The following CADM1 variants were observed in gnomAD, a reference collection of about 807,000 sequenced individuals.
CADM1 encodes the protein TSLC-1.
Under a neutral mutation model 53.1 loss-of-function variants are expected in CADM1, and 15 were observed. That is an observed-to-expected ratio of 0.28 (90% confidence interval 0.19 to 0.44). The LOEUF (loss-of-function observed/expected upper bound fraction) is 0.44. Ranked by LOEUF, CADM1 falls within the 20% of genes least tolerant of loss-of-function variation. The pLI is 1.00. For synonymous variants in CADM1, 281 were observed against 243.0 expected, an observed-to-expected ratio of 1.16 and a Z score of -1.45; for missense variants, 434 against 611.3, an observed-to-expected ratio of 0.71 and a Z score of 3.06.
intron 1 of CADM1, among the ~76,000 whole-genome samples, chr11:115,418,170 C>T (rs906544730): frequency 6.6e-6 from 1 of 152,126 alleles, no homozygotes; most frequent in Admixed American, 6.6e-5. Flanking sequence ...CCTTGCCCAT[C>T]CTGGAATGCA....
At chr11:115,312,256 A>G (rs1944551461) in intron 1 of CADM1, among the ~76,000 whole-genome samples, 4 of 152,150 alleles carry the variant, frequency 2.6e-5, no homozygotes, top group African/African-American at 9.6e-5. Flanking sequence ...CAGGGACTCT[A>G]TTTTTGGATA....
intron 1 of CADM1, among the ~76,000 whole-genome samples, chr11:115,493,711 AG>A (rs1200236617): frequency 2.6e-5 from 4 of 152,174 alleles, no homozygotes; most frequent in Non-Finnish European, 5.9e-5. Context: ...TCAGCTATGC[AG>A]GGTTCTTGCA....
intron 10 of CADM1, among the ~76,000 whole-genome samples, chr11:115,184,698 T>C (rs977947770): frequency 1.3e-5 from 2 of 152,240 alleles, no homozygotes; most frequent in Non-Finnish European, 2.9e-5. Context: ...ATTCTAGCAA[T>C]GTAACTGCAT....
At chr11:115,203,501 G>A (rs1442964686) in intron 8 of CADM1, among the ~76,000 whole-genome samples, 1 of 152,118 alleles carries the variant, frequency 6.6e-6, no homozygotes, top group Admixed American at 6.5e-5. Context: ...GGTCCTTCCA[G>A]TCAAGTCTTT....
At position 115,254,593 on chromosome 11, in the gene CADM1, C is replaced by CACAGAG. The variant is rs1491508599; in HGVS notation, c.125-14174_125-14173insCTCTGT. ...ACACACACACACACACACACACACA[C>CACAGAG]AGAGACAACAAACGCATACTTGTAA... On this transcript the variant is annotated intron_variant, in intron 1 of 11. Transcript: ENST00000331581. Among the ~76,000 whole-genome samples, 76 of 136,402 alleles carry CACAGAG rather than the reference C, an allele frequency of 5.6e-4. 1 individual carries two copies. Among genetic ancestry groups the CACAGAG allele is most frequent in the Middle Eastern group, 3.7e-3 (1 of 268 alleles). The allele number at this position is 136,402 out of a possible 152,430, so 89.5% of individuals were successfully genotyped here.
intron 1 of CADM1, among the ~76,000 whole-genome samples, chr11:115,281,452 A>C (rs1943581980): frequency 6.6e-6 from 1 of 152,238 alleles, no homozygotes; most frequent in African/African-American, 2.4e-5. Flanking sequence ...ACGGGGGCAA[A>C]GCCACTTTCA....
chr11:115,272,376 G>A (rs1429759147), intron 1 of CADM1, among the ~76,000 whole-genome samples: 1 of 151,762 alleles, frequency 6.6e-6, no homozygotes, highest in African/African-American at 2.4e-5. Context: ...TTATCTAATA[G>A]TAATGAGTTC....
chr11:115,440,705 T>C (rs1458588904), intron 1 of CADM1, among the ~76,000 whole-genome samples: 1 of 152,210 alleles, frequency 6.6e-6, no homozygotes, highest in Non-Finnish European at 1.5e-5. Context: ...ACCCAACTTA[T>C]CCTTGTTCTT....
At chr11:115,288,683 A>G (rs1009618836) in intron 1 of CADM1, among the ~76,000 whole-genome samples, 8 of 152,162 alleles carry the variant, frequency 5.3e-5, no homozygotes, top group East Asian at 1.9e-4. Context: ...AGGCATTCCT[A>G]TATCATGGCA....
At chr11:115,322,944 T>C (rs534349608) in intron 1 of CADM1, among the ~76,000 whole-genome samples, 3 of 152,318 alleles carry the variant, frequency 2.0e-5, no homozygotes, top group African/African-American at 7.2e-5. Context: ...CTCCTGGGTA[T>C]ATAACTAGGA....
chr11:115,472,867 T>C (rs963253270), intron 1 of CADM1, among the ~76,000 whole-genome samples: 10 of 152,222 alleles, frequency 6.6e-5, no homozygotes, highest in African/African-American at 2.2e-4. Context: ...TGGTAATTAA[T>C]GGCCTAGAAA....
At chr11:115,357,269 G>C (rs561601888) in intron 1 of CADM1, among the ~76,000 whole-genome samples, 1 of 152,168 alleles carries the variant, frequency 6.6e-6, no homozygotes, top group African/African-American at 2.4e-5. Flanking sequence ...ACAGAGCCAC[G>C]TGTAGGAAAA....
chr11:115,468,607 A>G (rs1948944752), intron 1 of CADM1, among the ~76,000 whole-genome samples: 1 of 152,122 alleles, frequency 6.6e-6, no homozygotes, highest in African/African-American at 2.4e-5. Context: ...TGGATAATGG[A>G]AGGGGGACAG....
intron 1 of CADM1, among the ~76,000 whole-genome samples, chr11:115,459,107 C>T (rs1184468675): frequency 6.6e-6 from 1 of 152,042 alleles, no homozygotes; most frequent in Non-Finnish European, 1.5e-5. Flanking sequence ...GTACACTGTG[C>T]CAATTAAATA....
intron 1 of CADM1, among the ~76,000 whole-genome samples, chr11:115,403,049 G>A (rs367976691): frequency 3.9e-4 from 59 of 152,336 alleles, no homozygotes; most frequent in Middle Eastern, 3.4e-3. Flanking sequence ...TAACTTCACT[G>A]TGGAGAAACG....
chr11:115,207,246 A>C (rs963597265), intron 8 of CADM1: 5 of 152,058 alleles, frequency 3.3e-5, no homozygotes, highest in Non-Finnish European at 7.4e-5. Flanking sequence ...CGCAGGGAGG[A>C]CTCAACTGCT....
chr11:115,246,754 A>G (rs986886700), intron 1 of CADM1, among the ~76,000 whole-genome samples: 6 of 152,242 alleles, frequency 3.9e-5, no homozygotes, highest in African/African-American at 1.4e-4. Context: ...TATTTTATGT[A>G]GCATTTATAA....
At chr11:115,247,044 C>T (rs780928314) in intron 1 of CADM1, among the ~76,000 whole-genome samples, 3 of 152,098 alleles carry the variant, frequency 2.0e-5, no homozygotes, top group Admixed American at 6.5e-5. Context: ...TCTGTATACA[C>T]GTTCTTGTTT....
Position 115,490,484 on chromosome 11 carries a change from C to T in CADM1, c.124+13787G>A, listed in dbSNP as rs561804049. 1.1e-3 allele frequency among the ~76,000 whole-genome samples: 171 copies of T among 151,090 alleles called. 1 individual carries two copies. Among genetic ancestry groups the T allele is most frequent in the African/African-American group, 4.0e-3 (164 of 41,056 alleles). On this transcript the variant is annotated intron_variant, in intron 1 of 11. Transcript: ENST00000331581. ...TGCGATCTCAGCTCACTGCAAGCTC[C>T]GCCTCCCAAGTTCAAGCAATTCGCC...
Sources: gnomAD v4.1 joint callset for allele counts (sites outside exome capture counted in the v4.1 genomes callset) on GRCh38, gnomAD v4.1.1 for gene constraint, MANE v1.5 for transcripts, NCBI Gene and HGNC (gene_info 2026-07-23, HGNC 2026-07-21) for gene names.